Variants in COLQ observed in about 807,000 individuals in gnomAD.
COLQ encodes collagen like tail subunit of asymmetric acetylcholinesterase.
A neutral mutation model predicts 69.0 loss-of-function variants in COLQ; 48 were observed. That is an observed-to-expected ratio of 0.70 (90% CI 0.55 to 0.88). The LOEUF (loss-of-function observed/expected upper bound fraction) is 0.88. Ranked by LOEUF, COLQ falls within the 40% of genes least tolerant of loss-of-function variation. The pLI, the probability that COLQ is intolerant of heterozygous loss-of-function variation, is 0.00. For missense variants in COLQ, 618 were observed against 594.6 expected (o/e 1.04, Z -0.41); for synonymous variants, 217 against 211.2 (o/e 1.03, Z -0.24).
chr3:15,482,319 C>T (rs1197293702), intron 3 of COLQ, among the ~76,000 whole-genome samples: 1 of 152,136 alleles, frequency 6.6e-6, no homozygotes, highest in Non-Finnish European at 1.5e-5. Context: ...CAGGTTTTGC[C>T]CATTCAGTAT....
chr3:15,492,973 G>A (rs980967988), intron 1 of COLQ, among the ~76,000 whole-genome samples: 2 of 152,128 alleles, frequency 1.3e-5, no homozygotes, highest in Non-Finnish European at 2.9e-5. Flanking sequence ...AGCACTCAAC[G>A]CCAAAGCAGC....
At chr3:15,463,320 G>GTT (rs1359402311) in intron 12 of COLQ, among the ~76,000 whole-genome samples, 1 of 149,594 alleles carries the variant, frequency 6.7e-6, no homozygotes, top group Admixed American at 6.7e-5. Context: ...TTTTGGTTTT[G>GTT]TTTTTTTTTG....
intron 1 of COLQ, chr3:15,498,999 C>T (rs1232985716): frequency 1.8e-6 from 2 of 1,112,884 alleles, no homozygotes; most frequent in Non-Finnish European, 2.2e-6. Context: ...GTATTGACTG[C>T]TCTGGTAAGC....
Position 15,460,353 on chromosome 3 carries a change from C to T in COLQ, c.815-2028G>A, listed in dbSNP as rs572664690. Among the ~76,000 whole-genome samples the T allele has an allele frequency of 5.5e-4, 84 of 152,242 alleles. No homozygotes were observed. The Middle Eastern group carries it at 0.017, about 31-fold the overall frequency. ...TGGCAGAAAAGCACCAGAACAAAAG[C>T]CATCTAACAGGAAGTGAGGAAAGAG... is the stretch of plus-strand genomic sequence containing the variant. On this transcript the variant is annotated intron_variant, in intron 12 of 16. Transcript: ENST00000383788.
chr3:15,457,108 G>A (rs143186479), intron 13 of COLQ, among the ~76,000 whole-genome samples: 1 of 152,086 alleles, frequency 6.6e-6, no homozygotes, highest in Non-Finnish European at 1.5e-5. Context: ...ACAGGCATGA[G>A]CCACCGCGCC....
chr3:15,476,586 C>A (rs895738182), intron 6 of COLQ, among the ~76,000 whole-genome samples: 1 of 152,184 alleles, frequency 6.6e-6, no homozygotes, highest in African/African-American at 2.4e-5. Context: ...AACTCTGAGT[C>A]ACGCCTCTGA....
At chr3:15,461,385 G>A (rs948879906) in intron 12 of COLQ, among the ~76,000 whole-genome samples, 1 of 152,006 alleles carries the variant, frequency 6.6e-6, no homozygotes, top group Non-Finnish European at 1.5e-5. Context: ...GTTGCTGCAG[G>A]GCATCTGTTA....
Position 15,498,651 on chromosome 3 carries a change from CA to C in COLQ, c.107-9015del, listed in dbSNP as rs1346125668. On this transcript the variant is annotated intron_variant, in intron 1 of 16. Coordinates refer to ENST00000383788, the MANE Select transcript of COLQ (RefSeq NM_005677.4). ...TAGCCGGAGACAGGCTGAGATTCGT[CA>C]CGCCTCTGAGTGCTCCCAGTGCCTG... 14 of 1,550,928 alleles carry C rather than the reference CA, an allele frequency of 9.0e-6. 2 individuals carry two copies. In the Admixed American group the frequency reaches 1.8e-4, roughly 20 times the overall value.
At chr3:15,503,617 C>T (rs1482903832) in intron 1 of COLQ, among the ~76,000 whole-genome samples, 2 of 152,162 alleles carry the variant, frequency 1.3e-5, no homozygotes, top group Admixed American at 6.5e-5. Context: ...GGACACATTC[C>T]GTGATGTTCC....
intron 1 of COLQ, among the ~76,000 whole-genome samples, chr3:15,517,663 G>A (rs1033458507): frequency 6.6e-6 from 1 of 152,042 alleles, no homozygotes; most frequent in African/African-American, 2.4e-5. Context: ...TTGTTGTTTT[G>A]ATCTACCAAG....
chr3:15,485,900 T>C (rs2062564508), intron 3 of COLQ, among the ~76,000 whole-genome samples: 1 of 152,176 alleles, frequency 6.6e-6, no homozygotes, highest in South Asian at 2.1e-4. Flanking sequence ...AAGTGAAGGC[T>C]GCAGTTAGCT....
chr3:15,493,122 G>T (rs939375849), intron 1 of COLQ, among the ~76,000 whole-genome samples: 2 of 152,186 alleles, frequency 1.3e-5, no homozygotes, highest in East Asian at 1.9e-4. Context: ...AAAGCAAGGA[G>T]AATTTAGACA....
chr3:15,455,828 C>T lies in COLQ; in HGVS notation c.1195+71G>A. 5 of 1,601,680 alleles carry T rather than the reference C, an allele frequency of 3.1e-6. No individual in the cohort carries two copies. In the South Asian group the frequency reaches 5.5e-5, roughly 18 times the overall value. On this transcript the variant is annotated intron_variant, in intron 15 of 16. Coordinates refer to ENST00000383788, the MANE Select transcript of COLQ (RefSeq NM_005677.4). ...GGTCCCAAAGCACCACAGCTGGTGT[C>T]CAGGGCTGGCCCTGAGTCCCACCCC... is the stretch of plus-strand genomic sequence containing the variant.
intron 5 of COLQ, among the ~76,000 whole-genome samples, chr3:15,477,738 C>A (rs1406295347): frequency 1.3e-5 from 2 of 152,198 alleles, no homozygotes; most frequent in Admixed American, 6.5e-5. Flanking sequence ...TAGTCCAGCT[C>A]CCTTACCTTT....
intron 1 of COLQ, among the ~76,000 whole-genome samples, chr3:15,509,475 C>T (rs2062954934): frequency 6.6e-6 from 1 of 152,186 alleles, no homozygotes; most frequent in Non-Finnish European, 1.5e-5. Context: ...CCTTCACAGC[C>T]AAAGGAAGAG....
intron 14 of COLQ, 104 bp from the exon 15 acceptor site, chr3:15,456,123 C>G (rs769944838): frequency 7.5e-7 from 1 of 1,331,876 alleles, no homozygotes; most frequent in Non-Finnish European, 1.1e-6. Context: ...GGGGGGCATG[C>G]CTTGACTTCC....
chr3:15,463,655 G>C (rs1295183668), intron 12 of COLQ, among the ~76,000 whole-genome samples: 5 of 152,002 alleles, frequency 3.3e-5, no homozygotes, highest in Non-Finnish European at 7.4e-5. Context: ...CTACTCCTCA[G>C]TTTTGTGAGC....
intron 1 of COLQ, among the ~76,000 whole-genome samples, chr3:15,497,735 C>T (rs2125156005): frequency 6.6e-6 from 1 of 152,294 alleles, no homozygotes; most frequent in South Asian, 2.1e-4. Context: ...AAGCCAAGGG[C>T]ACACGCTGTA....
intron 1 of COLQ, among the ~76,000 whole-genome samples, chr3:15,510,424 C>A (rs536976970): frequency 6.6e-6 from 1 of 151,696 alleles, no homozygotes; most frequent in East Asian, 2.0e-4. Context: ...GAAATTAAAC[C>A]GTGGCTGAGC....
Sources: gnomAD v4.1 joint callset for allele counts (sites outside exome capture counted in the v4.1 genomes callset) on GRCh38, gnomAD v4.1.1 for gene constraint, MANE v1.5 for transcripts, NCBI Gene and HGNC (gene_info 2026-07-23, HGNC 2026-07-21) for gene names.